ABCE1: variants seen among roughly 807,000 people sequenced by gnomAD.
ABCE1 encodes the protein ATP binding cassette subfamily E member 1.
ABCE1 carries 22 observed loss-of-function variants against 83.4 expected under a neutral mutation model. The ratio of observed to expected loss-of-function variants is 0.26; its 90% CI spans 0.19 to 0.38. The LOEUF is 0.38. ABCE1 is among the 10% of genes least tolerant of loss of function. The probability of loss-of-function intolerance (pLI) is 1.00; values close to 1 mark genes in which losing one functional copy is unlikely to be tolerated. For missense variants in ABCE1, 330 were observed against 721.9 expected (o/e 0.46, Z 6.22); for synonymous variants, 204 against 233.7 (o/e 0.87, Z 1.16).
chr4:145,100,410 T>A (rs1560955158), intron 1 of ABCE1, among the ~76,000 whole-genome samples: 1 of 152,226 alleles, frequency 6.6e-6, no homozygotes, highest in Admixed American at 6.5e-5. Flanking sequence ...AATTAAATAT[T>A]TTAGTAGTTT....
intron 10 of ABCE1, among the ~76,000 whole-genome samples, chr4:145,119,731 G>C (rs1376102741): frequency 1.3e-5 from 2 of 151,808 alleles, no homozygotes; most frequent in African/African-American, 4.8e-5. Context: ...TGTGGTTGGG[G>C]GGGACATGCA....
At chr4:145,115,318 C>T (rs1287273720) in intron 9 of ABCE1, among the ~76,000 whole-genome samples, 1 of 151,918 alleles carries the variant, frequency 6.6e-6, no homozygotes, top group Non-Finnish European at 1.5e-5. Context: ...AATGCTCCCT[C>T]ACACTGGCTG....
intron 13 of ABCE1, chr4:145,122,729 T>G (rs2126714087): frequency 1.4e-5 from 3 of 207,266 alleles, no homozygotes; most frequent in Middle Eastern, 1.7e-3. Context: ...GAGGATCGCT[T>G]GAGCTTGGGA....
chr4:145,125,698 T>C (rs920580498), intron 17 of ABCE1, among the ~76,000 whole-genome samples: 4 of 152,144 alleles, frequency 2.6e-5, no homozygotes, highest in Non-Finnish European at 5.9e-5. Flanking sequence ...TTACACTAAT[T>C]CACCATTGTA....
chr4:145,111,230 C>A, intron 8 of ABCE1, 166 bp downstream of exon 8: 1 of 467,102 alleles, frequency 2.1e-6, no homozygotes, highest in Non-Finnish European at 3.8e-6. Context: ...TACTCATTTT[C>A]CCTGTTATAT....
chr4:145,126,966 A>G (rs1749904035), intron 17 of ABCE1, among the ~76,000 whole-genome samples: 1 of 152,090 alleles, frequency 6.6e-6, no homozygotes, highest in South Asian at 2.1e-4. Context: ...CATTAAGGAC[A>G]CTTTGTATTG....
In ABCE1 at chr4:145,112,336, G is replaced by A; in HGVS notation, c.800+8G>A. 6.6e-7 allele frequency: 1 copy of A among 1,525,438 alleles called. No individual in the cohort carries two copies. The highest frequency in any genetic ancestry group is 1.4e-5 in the African/African-American group (1 of 72,002). 94.5% of individuals were successfully genotyped at this position (1,525,438 alleles called of 1,614,324 possible). On this transcript the variant is annotated splice_region_variant and intron_variant, in intron 9 of 17. Coordinates refer to ENST00000296577, the MANE Select transcript of ABCE1 (RefSeq NM_002940.3). ...TCTAATAAATCCAGATAGGTAAGTAGAGATCTGGCATATTACTGTGTTGTT... is the reference window on the plus strand; with the variant it reads ...TCTAATAAATCCAGATAGGTAAGTAAAGATCTGGCATATTACTGTGTTGTT...
intron 9 of ABCE1, among the ~76,000 whole-genome samples, chr4:145,112,916 A>G (rs1232739266): frequency 2.0e-5 from 3 of 152,182 alleles, no homozygotes; most frequent in Admixed American, 1.3e-4. Context: ...TCTAGGTTAC[A>G]AATTTACTGT....
Position 145,112,182 on chromosome 4 carries a change from A to G in ABCE1, c.711-57A>G, listed in dbSNP as rs964719314. On this transcript the variant is annotated intron_variant, in intron 8 of 17. Transcript: ENST00000296577. Reference sequence around the variant, plus strand: ...CTACAGTGCTTTAAAATAGTATGTAAGGTAGAATGTCTTGTCTTTCAAACT... The same window carrying G: ...CTACAGTGCTTTAAAATAGTATGTAGGGTAGAATGTCTTGTCTTTCAAACT... 2.0e-5 allele frequency: 25 copies of G among 1,246,338 alleles called. No individual in the cohort carries two copies. In the African/African-American group the frequency reaches 3.5e-4, roughly 18 times the overall value. 77.2% of individuals were successfully genotyped at this position (1,246,338 alleles called of 1,614,324 possible). A position where few individuals can be genotyped will look rare whatever the true frequency, so the allele number is the denominator to read the frequency against.
chr4:145,122,262 T>C (rs1042833399), intron 13 of ABCE1: 5 of 152,250 alleles, frequency 3.3e-5, no homozygotes, highest in African/African-American at 9.7e-5. Flanking sequence ...AGTTTTGTCA[T>C]TGATGCTCTC....
chr4:145,109,121 A>G lies in ABCE1; in HGVS notation c.288-11A>G, dbSNP rs1286119355. 6.4e-7 allele frequency: 1 copy of G among 1,568,132 alleles called. No individual in the cohort carries two copies. The highest frequency in any genetic ancestry group is 8.8e-7 in the Non-Finnish European group (1 of 1,141,458). ...CTGAGTTGTTTTATTATTTTTGTATACTTGTAACAGGTTGCCTATCCCTCG... is the reference window on the plus strand; with the variant it reads ...CTGAGTTGTTTTATTATTTTTGTATGCTTGTAACAGGTTGCCTATCCCTCG... On this transcript the variant is annotated splice_polypyrimidine_tract_variant and intron_variant, in intron 4 of 17. Coordinates refer to ENST00000296577, the MANE Select transcript of ABCE1 (RefSeq NM_002940.3).
intron 8 of ABCE1, 142 bp from the exon 9 acceptor site, chr4:145,112,097 A>T (rs956262720): frequency 1.7e-6 from 1 of 577,040 alleles, no homozygotes; most frequent in African/African-American, 1.9e-5. Flanking sequence ...TTACCATTAC[A>T]AGTAGACTCT....
chr4:145,110,782 T>C, intron 7 of ABCE1, 186 bp from the exon 8 acceptor site: 2 of 555,816 alleles, frequency 3.6e-6, no homozygotes, highest in South Asian at 2.6e-5. Context: ...TATATTTCAA[T>C]AGGCCCTGAA....
At chr4:145,107,244 A>C (rs1749333776) in intron 3 of ABCE1, among the ~76,000 whole-genome samples, 1 of 152,106 alleles carries the variant, frequency 6.6e-6, no homozygotes, top group Non-Finnish European at 1.5e-5. Flanking sequence ...TAATGGAAAG[A>C]CATTAATCCC....
intron 8 of ABCE1, among the ~76,000 whole-genome samples, chr4:145,111,755 G>C (rs958005773): frequency 4.6e-5 from 7 of 152,180 alleles, no homozygotes; most frequent in African/African-American, 1.7e-4. Flanking sequence ...TGAAAGAGAG[G>C]AGAGGAAAGT....
chr4:145,103,628 C>T (rs964833317), intron 1 of ABCE1, among the ~76,000 whole-genome samples: 5 of 152,308 alleles, frequency 3.3e-5, no homozygotes, highest in Admixed American at 2.6e-4. Context: ...CAGATGTACA[C>T]GACGTGAAGT....
At chr4:145,111,986 T>C (rs1250765387) in intron 8 of ABCE1, among the ~76,000 whole-genome samples, 2 of 152,218 alleles carry the variant, frequency 1.3e-5, no homozygotes, top group African/African-American at 4.8e-5. Context: ...GAGTGACCAA[T>C]TTGTAAATTA....
chr4:145,127,300 C>T (rs1227096633), intron 17 of ABCE1, among the ~76,000 whole-genome samples: 1 of 152,096 alleles, frequency 6.6e-6, no homozygotes, highest in Non-Finnish European at 1.5e-5. Context: ...AGGGACTTTA[C>T]TTGAGTTGGT....
rs1269153834 is a variant in ABCE1, at chr4:145,117,209, T to C, written c.801-84T>C. 5.1e-6 allele frequency: 6 copies of C among 1,183,226 alleles called. No homozygotes were observed. In the East Asian group the frequency reaches 1.5e-4, roughly 30 times the overall value. 73.3% of individuals were successfully genotyped at this position (1,183,226 alleles called of 1,614,324 possible). A position where few individuals can be genotyped will look rare whatever the true frequency, so the allele number is the denominator to read the frequency against. ...CTTATGTCTTTATGCTTAAATTTTATTAGATGTATCTCTTTTTCTGAAATT... is the reference window on the plus strand; with the variant it reads ...CTTATGTCTTTATGCTTAAATTTTACTAGATGTATCTCTTTTTCTGAAATT... On this transcript the variant is annotated intron_variant, in intron 9 of 17. Transcript: ENST00000296577.
Sources: gnomAD v4.1 joint callset for allele counts (sites outside exome capture counted in the v4.1 genomes callset) on GRCh38, gnomAD v4.1.1 for gene constraint, MANE v1.5 for transcripts, NCBI Gene and HGNC (gene_info 2026-07-23, HGNC 2026-07-21) for gene names.